ARMC8: variants seen among roughly 807,000 people sequenced by gnomAD.
ARMC8 encodes the protein armadillo repeat-containing protein 8.
A neutral mutation model predicts 99.3 loss-of-function variants in ARMC8; 20 were observed. That is an observed-to-expected ratio of 0.20 (90% CI 0.14 to 0.29). The LOEUF (loss-of-function observed/expected upper bound fraction) is 0.29. ARMC8 is among the 10% of genes least tolerant of loss of function. The pLI is 1.00. For missense variants in ARMC8, 569 were observed against 809.5 expected (o/e 0.70, Z 3.60); for synonymous variants, 263 against 278.3 (o/e 0.95, Z 0.55).
chr3:138,239,522 A>G lies in ARMC8; in HGVS notation c.831A>G (p.Val277=), dbSNP rs776593092. 28 of 1,588,024 alleles carry G rather than the reference A, an allele frequency of 1.8e-5. No homozygotes were observed. In the Admixed American group the frequency reaches 3.3e-4, roughly 19 times the overall value. The change falls in exon 10 of 22, where the codon GTA becomes GTG. Residue 277 remains valine (V), a synonymous_variant. Transcript: ENST00000469044. ...TTCGGACAGATGATAACTGTATTGT[A>G]TTAAAGGTAAGCTAATTAATTATCT... The part of the protein sequence containing the change: ...GAIRTDDNCI[V]LKTLPCLVRM...
At chr3:138,268,182 G>C (rs1004852588) in intron 15 of ARMC8, among the ~76,000 whole-genome samples, 1 of 152,268 alleles carries the variant, frequency 6.6e-6, no homozygotes, top group Admixed American at 6.5e-5. Flanking sequence ...GGCAAAGGTT[G>C]CAGTGAGCTG....
At chr3:138,239,596 CTCATATT>C (rs2046506162) in intron 10 of ARMC8, 68 bp downstream of exon 10, 3 of 954,736 alleles carry the variant, frequency 3.1e-6, no homozygotes, top group Non-Finnish European at 4.8e-6. Flanking sequence ...AGTATTGATA[CTCATATT>C]TCATTTTACA....
In ARMC8 at chr3:138,194,074, G is replaced by A. The variant is rs561806806; in HGVS notation, c.45+6475G>A. ...TTTTTTTTTTTTGAGACGGCGTCTC[G>A]CTCTGTCTCCCAGGCTGGAGTGCAG... On this transcript the variant is annotated intron_variant, in intron 1 of 21. Transcript: ENST00000469044. 6.8e-5 allele frequency among the ~76,000 whole-genome samples: 10 copies of A among 146,004 alleles called. No homozygotes were observed. In the South Asian group the frequency reaches 1.5e-3, roughly 22 times the overall value.
chr3:138,269,821 T>TC (rs1245210323), intron 15 of ARMC8, among the ~76,000 whole-genome samples: 1 of 27,618 alleles, frequency 3.6e-5, no homozygotes, highest in African/African-American at 1.8e-4. Flanking sequence ...GTTTTCTTTC[T>TC]TTTTTTTTTT....
At position 138,281,201 on chromosome 3, in the gene ARMC8, G is replaced by A. The variant is rs533443842; in HGVS notation, c.1726-3230G>A. Among the ~76,000 whole-genome samples the A allele has an allele frequency of 5.3e-5, 8 of 151,840 alleles. No individual in the cohort carries two copies. The East Asian group carries it at 5.8e-4, about 11-fold the overall frequency. On this transcript the variant is annotated intron_variant, in intron 18 of 21. Coordinates refer to ENST00000469044, the MANE Select transcript of ARMC8 (RefSeq NM_001363941.2). ...CATATTAGTATATACACTAATATGC[G>A]TACATTAATGGTGTGGGTGTGTGTG...
intron 1 of ARMC8, among the ~76,000 whole-genome samples, chr3:138,192,299 A>G (rs1430716453): frequency 8.1e-6 from 1 of 123,006 alleles, no homozygotes; most frequent in Non-Finnish European, 1.6e-5. Context: ...TTTTTTTGAG[A>G]CGGAGTCTCC....
At chr3:138,189,663 A>G (rs1041246906) in intron 1 of ARMC8, among the ~76,000 whole-genome samples, 1 of 152,234 alleles carries the variant, frequency 6.6e-6, no homozygotes, top group Admixed American at 6.5e-5. Context: ...AATTTCAGCA[A>G]GGAGGCATTC....
In ARMC8 at chr3:138,256,400, T is replaced by TCC. The variant is rs1314230199; in HGVS notation, c.1135-7339_1135-7338insCC. Among the ~76,000 whole-genome samples, 101 of 145,160 alleles carry TCC rather than the reference T, an allele frequency of 7.0e-4. 1 individual carries two copies. The highest frequency in any genetic ancestry group is 2.5e-3 in the African/African-American group (96 of 37,660). On this transcript the variant is annotated intron_variant, in intron 12 of 21. Coordinates refer to ENST00000469044, the MANE Select transcript of ARMC8 (RefSeq NM_001363941.2). ...TGTAAAGTATATCTTTTTTTCCTCC[T>TCC]TCTTTTTTTTTTTTTTTTTTTTTTT...
At chr3:138,189,633 C>T (rs2043263792) in intron 1 of ARMC8, among the ~76,000 whole-genome samples, 1 of 152,090 alleles carries the variant, frequency 6.6e-6, no homozygotes, top group Non-Finnish European at 1.5e-5. Flanking sequence ...GTCTGGGTGA[C>T]GCTATAATTT....
intron 14 of ARMC8, 87 bp from the exon 15 acceptor site, chr3:138,267,068 C>CTTATTTATA: frequency 1.4e-6 from 1 of 735,388 alleles, no homozygotes; most frequent in South Asian, 2.2e-5. Flanking sequence ...GATAATTGTT[C>CTTATTTATA]TTGTTTTTAT....
At chr3:138,221,669 T>C (rs2045401891) in intron 2 of ARMC8, among the ~76,000 whole-genome samples, 1 of 152,184 alleles carries the variant, frequency 6.6e-6, no homozygotes, top group African/African-American at 2.4e-5. Flanking sequence ...GTAGGTACCC[T>C]TTCTAGAAGA....
intron 11 of ARMC8, 86 bp downstream of exon 11, chr3:138,242,069 T>G: frequency 9.4e-7 from 1 of 1,060,634 alleles, no homozygotes; most frequent in Non-Finnish European, 1.4e-6. Context: ...AATTGATAAC[T>G]ACAGCTTAAA....
intron 1 of ARMC8, among the ~76,000 whole-genome samples, chr3:138,201,517 A>C (rs1187529305): frequency 8.5e-6 from 1 of 117,228 alleles, no homozygotes; most frequent in African/African-American, 3.4e-5. Flanking sequence ...GCTGGAGTGC[A>C]GTGGTGCACT....
At chr3:138,213,574 CG>C (rs1282169630) in intron 2 of ARMC8, among the ~76,000 whole-genome samples, 10 of 151,996 alleles carry the variant, frequency 6.6e-5, no homozygotes, top group African/African-American at 2.4e-4. Context: ...GCGTAGCCTT[CG>C]CAACTACAAC....
chr3:138,283,393 CTG>C (rs1171712018), intron 18 of ARMC8, among the ~76,000 whole-genome samples: 1 of 152,258 alleles, frequency 6.6e-6, no homozygotes, highest in Non-Finnish European at 1.5e-5. Flanking sequence ...GGTTCCAGGA[CTG>C]TGTCACTTCC....
At chr3:138,212,227 T>C (rs967432061) in intron 2 of ARMC8, among the ~76,000 whole-genome samples, 17 of 152,146 alleles carry the variant, frequency 1.1e-4, no homozygotes, top group Non-Finnish European at 2.2e-4. Context: ...TCTTAAACTT[T>C]GTTACTGTCT....
intron 12 of ARMC8, among the ~76,000 whole-genome samples, chr3:138,258,619 C>T (rs1012769623): frequency 6.6e-6 from 1 of 152,300 alleles, no homozygotes; most frequent in South Asian, 2.1e-4. Context: ...AGTCTTGTCC[C>T]GATTACAGGG....
At chr3:138,261,836 C>G (rs967216471) in intron 12 of ARMC8, 1 of 152,190 alleles carries the variant, frequency 6.6e-6, no homozygotes, top group African/African-American at 2.4e-5. Context: ...GCATGGAGAC[C>G]TTTCGTCAGA....
rs2051663919 is a variant in ARMC8 at position 138,298,326 on chromosome 3, T to G, written c.*2434T>G. 6.6e-6 allele frequency: 1 copy of G among 152,216 alleles called. No individual in the cohort carries two copies. Among genetic ancestry groups the G allele is most frequent in the Admixed American group, 6.5e-5 (1 of 15,286 alleles). 9.4% of individuals were successfully genotyped at this position (152,216 alleles called of 1,614,324 possible). A position where few individuals can be genotyped will look rare whatever the true frequency, so the allele number is the denominator to read the frequency against. The stretch of plus-strand genomic sequence containing the variant: ...ACAATACATGTTCTTCTGGTAGTGT[T>G]TGGATAATATGATTTTAACACATGC... On this transcript the variant is annotated 3_prime_UTR_variant, in exon 22 of 22. Coordinates refer to ENST00000469044, the MANE Select transcript of ARMC8 (RefSeq NM_001363941.2).
Sources: gnomAD v4.1 joint callset for allele counts (sites outside exome capture counted in the v4.1 genomes callset) on GRCh38, gnomAD v4.1.1 for gene constraint, MANE v1.5 for transcripts, NCBI Gene and HGNC (gene_info 2026-07-23, HGNC 2026-07-21) for gene names.